The following RBFOX3 variants were observed in gnomAD, a reference collection of about 807,000 sequenced individuals.
The protein encoded by RBFOX3 is RNA binding protein fox-1 homolog 3.
Under a neutral mutation model 48.7 loss-of-function variants are expected in RBFOX3, and 17 were observed. That is an observed-to-expected ratio of 0.35 (90% CI 0.24 to 0.52). The LOEUF is 0.52. Ranked by LOEUF, RBFOX3 falls within the 20% of genes least tolerant of loss-of-function variation. The pLI is 0.94. For synonymous variants in RBFOX3, 212 were observed against 209.5 expected (o/e 1.01, Z -0.10); for missense variants, 382 against 497.5 (o/e 0.77, Z 2.21).
Position 79,255,578 on chromosome 17 carries a change from G to A in RBFOX3, c.-73-19773C>T, listed in dbSNP as rs367580676. On this transcript the variant is annotated intron_variant, in intron 3 of 14. Transcript: ENST00000693108. ...AAGCCGAGGCTAGCATGAGCCAGCGGCCTTTAATGGGACACTCCATCTTCC... is the reference window on the plus strand; with the variant it reads ...AAGCCGAGGCTAGCATGAGCCAGCGACCTTTAATGGGACACTCCATCTTCC... 6.6e-5 allele frequency among the ~76,000 whole-genome samples: 10 copies of A among 152,226 alleles called. No individual in the cohort carries two copies. The South Asian group carries it at 2.1e-3, about 32-fold the overall frequency.
At chr17:79,178,457 C>T (rs1484441139) in intron 4 of RBFOX3, among the ~76,000 whole-genome samples, 9 of 152,176 alleles carry the variant, frequency 5.9e-5, no homozygotes, top group Non-Finnish European at 1.0e-4. Context: ...CAGGAGAAAG[C>T]GACATGGACT....
intron 3 of RBFOX3, among the ~76,000 whole-genome samples, chr17:79,301,955 G>C (rs533314554): frequency 6.6e-6 from 1 of 152,266 alleles, no homozygotes; most frequent in African/African-American, 2.4e-5. Context: ...ACTGGGGGAG[G>C]GGGTGGTTTC....
intron 4 of RBFOX3, among the ~76,000 whole-genome samples, chr17:79,230,093 G>A (rs2060824628): frequency 6.6e-6 from 1 of 152,140 alleles, no homozygotes; most frequent in Non-Finnish European, 1.5e-5. Context: ...TTCTCACTGG[G>A]GGCAAGGGGG....
At chr17:79,625,569 A>G in the RBFOX3 span, among the ~76,000 whole-genome samples, 2 of 152,180 alleles carry the variant, frequency 1.3e-5, no homozygotes, top group Non-Finnish European at 2.9e-5. Context: ...GTGGGGGCGG[A>G]TCACCTGAGG....
At chr17:79,173,297 C>T (rs2049793699) in intron 4 of RBFOX3, among the ~76,000 whole-genome samples, 1 of 152,196 alleles carries the variant, frequency 6.6e-6, no homozygotes, top group South Asian at 2.1e-4. Flanking sequence ...TTCCATTTGA[C>T]AGCGTTGCTT....
At chr17:79,438,259 G>A (rs555752978) in intron 2 of RBFOX3, among the ~76,000 whole-genome samples, 2 of 152,346 alleles carry the variant, frequency 1.3e-5, no homozygotes, top group East Asian at 3.9e-4. Context: ...AACCCTGCAG[G>A]CCCAGTAGGG....
intron 2 of RBFOX3, among the ~76,000 whole-genome samples, chr17:79,435,411 A>T (rs997466140): frequency 6.6e-6 from 1 of 152,236 alleles, no homozygotes; most frequent in Non-Finnish European, 1.5e-5. Flanking sequence ...GCCAGAGCTG[A>T]TTCCAACACA....
intron 3 of RBFOX3, among the ~76,000 whole-genome samples, chr17:79,263,913 A>G (rs553533276): frequency 5.9e-5 from 9 of 152,204 alleles, no homozygotes; most frequent in African/African-American, 1.9e-4. Context: ...GTTAGCCCTA[A>G]ATCGAATAGC....
At chr17:79,306,378 C>T (rs1010470754) in intron 3 of RBFOX3, among the ~76,000 whole-genome samples, 6 of 152,262 alleles carry the variant, frequency 3.9e-5, no homozygotes, top group African/African-American at 1.2e-4. Context: ...ATGGCCCGCA[C>T]GCGTGTGACT....
chr17:79,598,581 CT>C (rs1263411054), intron 1 of RBFOX3: 1 of 152,102 alleles, frequency 6.6e-6, no homozygotes, highest in Non-Finnish European at 1.5e-5. Flanking sequence ...CCTTCTCCAG[CT>C]CTTTTCCTCC....
intron 1 of RBFOX3, among the ~76,000 whole-genome samples, chr17:79,531,767 G>A (rs1285773134): frequency 6.6e-6 from 1 of 152,168 alleles, no homozygotes; most frequent in Non-Finnish European, 1.5e-5. Context: ...AAACGAAAGA[G>A]CTCTACCTCT....
intron 2 of RBFOX3, among the ~76,000 whole-genome samples, chr17:79,372,488 C>T (rs961947191): frequency 2.0e-5 from 3 of 151,594 alleles, no homozygotes; most frequent in African/African-American, 7.3e-5. Flanking sequence ...ATGGCTCCGC[C>T]TCTGTGTGAT....
chr17:79,434,351 G>A (rs189889117), intron 2 of RBFOX3, among the ~76,000 whole-genome samples: 144 of 152,274 alleles, frequency 9.5e-4, no homozygotes, highest in African/African-American at 3.3e-3. Context: ...AATGAGCATC[G>A]ACTGTAAATG....
chr17:79,208,777 A>G (rs1007369525), intron 4 of RBFOX3, among the ~76,000 whole-genome samples: 2 of 148,534 alleles, frequency 1.3e-5, no homozygotes, highest in Admixed American at 1.3e-4. Context: ...GCCCCACAGG[A>G]CCTCACTCCC....
Position 79,455,264 on chromosome 17 carries a change from G to A in RBFOX3, c.-175+27190C>T, listed in dbSNP as rs7212496. Among the ~76,000 whole-genome samples, 735 of 152,312 alleles carry A rather than the reference G, an allele frequency of 4.8e-3. 12 individuals are homozygous for A. Among genetic ancestry groups the A allele is most frequent in the African/African-American group, 0.017 (693 of 41,548 alleles). On this transcript the variant is annotated intron_variant, in intron 2 of 14. Transcript: ENST00000693108. ...CCAAAGACGCGCAGGCTACCGTGACGGGGGAGCGGAGAGGGGGAGAGGCAG... is the reference window on the plus strand; with the variant it reads ...CCAAAGACGCGCAGGCTACCGTGACAGGGGAGCGGAGAGGGGGAGAGGCAG...
At chr17:79,348,088 C>T (rs1039862399) in intron 2 of RBFOX3, among the ~76,000 whole-genome samples, 1 of 152,164 alleles carries the variant, frequency 6.6e-6, no homozygotes, top group Non-Finnish European at 1.5e-5. Context: ...TCACCTTCCC[C>T]CTCCTGAGAG....
chr17:79,573,204 C>G (rs998017533), intron 1 of RBFOX3, among the ~76,000 whole-genome samples: 3 of 152,172 alleles, frequency 2.0e-5, no homozygotes, highest in Non-Finnish European at 2.9e-5. Context: ...CTCTCCAGAG[C>G]GCAGCAGCAG....
At chr17:79,106,608 G>T in intron 6 of RBFOX3, 43 bp downstream of exon 6, 1 of 1,414,400 alleles carries the variant, frequency 7.1e-7, no homozygotes. Context: ...CTGGAGCTGG[G>T]GCAGGTGTGG....
chr17:79,363,872 C>A lies in RBFOX3; in HGVS notation c.-174-56048G>T, dbSNP rs2057354630. ...GCACTGGGATAAAGCAGACGACGGG[C>A]TCCTGCAGCCCCTAACTCTCCCCAC... On this transcript the variant is annotated intron_variant, in intron 2 of 14. Coordinates refer to ENST00000693108, the MANE Select transcript of RBFOX3 (RefSeq NM_001350451.2). This position sits in a 1 kb window ranked among gnomAD's most constrained non-coding sequence, Gnocchi z 4.7. 6.6e-6 allele frequency among the ~76,000 whole-genome samples: 1 copy of A among 152,156 alleles called. No individual in the cohort carries two copies. Among genetic ancestry groups the A allele is most frequent in the African/African-American group, 2.4e-5 (1 of 41,426 alleles).
Sources: gnomAD v4.1 joint callset for allele counts (sites outside exome capture counted in the v4.1 genomes callset) on GRCh38, gnomAD v4.1.1 for gene constraint, Gnocchi (gnomAD v3.1) non-coding constraint, MANE v1.5 for transcripts, NCBI Gene and HGNC (gene_info 2026-07-23, HGNC 2026-07-21) for gene names.